Variants in ARID1B observed in about 807,000 individuals in gnomAD.
ARID1B encodes the protein AT-rich interaction domain 1B.
A neutral mutation model predicts 212.3 loss-of-function variants in ARID1B; 30 were observed. The observed-to-expected ratio is 0.14, with a 90% CI of 0.11 to 0.19. The LOEUF is 0.19. Among genes scored for constraint, ARID1B ranks in the 10% least tolerant of loss-of-function variants. The pLI is 1.00. For missense variants in ARID1B, 2,891 were observed against 3,204.0 expected (o/e 0.90, Z 2.36); for synonymous variants, 1,402 against 1,301.7 (o/e 1.08, Z -1.66).
At chr6:156,958,653 T>C (rs1794137939) in intron 4 of ARID1B, among the ~76,000 whole-genome samples, 1 of 152,252 alleles carries the variant, frequency 6.6e-6, no homozygotes, top group Non-Finnish European at 1.5e-5. Context: ...TAAGTATTTC[T>C]TTTGAATAAT....
intron 2 of ARID1B, among the ~76,000 whole-genome samples, chr6:156,836,203 G>A (rs138013746): frequency 5.3e-5 from 8 of 152,252 alleles, no homozygotes; most frequent in African/African-American, 1.4e-4. Flanking sequence ...ATTAAGTGAC[G>A]TATCTTAGAC....
intron 4 of ARID1B, among the ~76,000 whole-genome samples, chr6:156,991,490 C>A (rs750934600): frequency 1.3e-5 from 2 of 152,144 alleles, no homozygotes; most frequent in Non-Finnish European, 2.9e-5. Context: ...CCTCAGCCTC[C>A]CAAAGTGCTG....
intron 2 of ARID1B, among the ~76,000 whole-genome samples, chr6:156,852,255 C>T (rs117641732): frequency 1.7e-3 from 256 of 152,086 alleles, no homozygotes; most frequent in South Asian, 6.6e-3. Flanking sequence ...TGAGACCAGC[C>T]TGGGCAGCAT....
chr6:156,934,280 C>T (rs373889449), intron 3 of ARID1B, among the ~76,000 whole-genome samples: 12 of 151,048 alleles, frequency 7.9e-5, no homozygotes, highest in Admixed American at 7.9e-4. Flanking sequence ...CAGGGGGAAA[C>T]GATGGTAGAA....
At chr6:156,954,708 C>A (rs1396973499) in intron 4 of ARID1B, among the ~76,000 whole-genome samples, 3 of 152,182 alleles carry the variant, frequency 2.0e-5, no homozygotes, top group African/African-American at 7.2e-5. Flanking sequence ...CCTTCTTAAA[C>A]CACACAAGGT....
At chr6:156,897,206 G>GCTTCTTCTTCTTCTT (rs1562468084) in intron 2 of ARID1B, among the ~76,000 whole-genome samples, 1 of 82,806 alleles carries the variant, frequency 1.2e-5, no homozygotes, top group African/African-American at 4.6e-5. Flanking sequence ...TGCTGCTGCT[G>GCTTCTTCTTCTTCTT]CTGCTGCTGC....
chr6:156,927,152 A>G (rs1430695697), intron 3 of ARID1B, among the ~76,000 whole-genome samples: 1 of 152,210 alleles, frequency 6.6e-6, no homozygotes, highest in African/African-American at 2.4e-5. Context: ...ATTATTGTTT[A>G]ATTTACATTG....
chr6:156,879,918 C>T (rs1471609979), intron 2 of ARID1B, among the ~76,000 whole-genome samples: 1 of 152,170 alleles, frequency 6.6e-6, no homozygotes, highest in East Asian at 1.9e-4. Context: ...GCAAAAACTG[C>T]AACAAAATCT....
At chr6:157,100,304 G>A (rs1258749203) in intron 5 of ARID1B, among the ~76,000 whole-genome samples, 5 of 152,210 alleles carry the variant, frequency 3.3e-5, no homozygotes, top group African/African-American at 9.7e-5. Context: ...ATTAGAGACA[G>A]AGGCACACAC....
chr6:157,051,949 T>C (rs1782633332), intron 4 of ARID1B, among the ~76,000 whole-genome samples: 1 of 152,236 alleles, frequency 6.6e-6, no homozygotes, highest in Non-Finnish European at 1.5e-5. Context: ...TGATTAGATG[T>C]ATTTTGCTTT....
At chr6:156,789,563 G>A (rs1313183333) in intron 1 of ARID1B, among the ~76,000 whole-genome samples, 1 of 152,214 alleles carries the variant, frequency 6.6e-6, no homozygotes, top group African/African-American at 2.4e-5. Flanking sequence ...TTTGATGTTA[G>A]AGGGTCACTT....
chr6:156,874,557 G>A (rs1786395701), intron 2 of ARID1B, among the ~76,000 whole-genome samples: 1 of 152,164 alleles, frequency 6.6e-6, no homozygotes, highest in Non-Finnish European at 1.5e-5. Flanking sequence ...CTAAAAATCA[G>A]CAGGTGCATC....
chr6:157,133,648 T>A (rs776297532), intron 7 of ARID1B, among the ~76,000 whole-genome samples: 10 of 152,140 alleles, frequency 6.6e-5, no homozygotes, highest in Non-Finnish European at 1.0e-4. Context: ...GCCCCGCACA[T>A]CCCTCCCAGT....
In ARID1B at chr6:156,900,532, T is replaced by G. The variant is rs149188507; in HGVS notation, c.1987-844T>G. ...GTATGAAACAAAATGACTTTGCCATTCTTGTCTCTAGAGTGCTTTTTGCTG... is the reference window on the plus strand; with the variant it reads ...GTATGAAACAAAATGACTTTGCCATGCTTGTCTCTAGAGTGCTTTTTGCTG... On this transcript the variant is annotated intron_variant, in intron 2 of 19. Coordinates refer to ENST00000636930, the MANE Select transcript of ARID1B (RefSeq NM_001374828.1). Among the ~76,000 whole-genome samples the G allele has an allele frequency of 2.9e-3, 441 of 152,330 alleles. 3 individuals carry two copies. The highest frequency in any genetic ancestry group is 0.01 in the African/African-American group (420 of 41,580).
At chr6:157,063,046 A>G (rs1279761680) in intron 4 of ARID1B, among the ~76,000 whole-genome samples, 1 of 152,132 alleles carries the variant, frequency 6.6e-6, no homozygotes, top group African/African-American at 2.4e-5. Context: ...TCAGAATGAG[A>G]ATGGATGGGT....
chr6:157,183,753 C>G (rs1329329902), intron 12 of ARID1B, among the ~76,000 whole-genome samples: 2 of 152,122 alleles, frequency 1.3e-5, no homozygotes, highest in Non-Finnish European at 2.9e-5. Context: ...GGCTCATTTG[C>G]CTTTGCACGA....
intron 4 of ARID1B, chr6:157,023,731 T>TC (rs1167250945): frequency 6.6e-6 from 1 of 152,200 alleles, no homozygotes; most frequent in Non-Finnish European, 1.5e-5. Flanking sequence ...CTTCTGCCCC[T>TC]CCAACAGTAA....
intron 3 of ARID1B, among the ~76,000 whole-genome samples, chr6:156,911,256 T>A (rs1789847472): frequency 6.6e-6 from 1 of 152,146 alleles, no homozygotes. Flanking sequence ...CTGGAAAATT[T>A]ATTATGTCAT....
intron 2 of ARID1B, among the ~76,000 whole-genome samples, chr6:156,884,150 A>G (rs1280081901): frequency 6.6e-6 from 1 of 152,236 alleles, no homozygotes; most frequent in East Asian, 1.9e-4. Context: ...AGAAGATACA[A>G]ATGTAGCACA....
Sources: allele counts gnomAD v4.1 joint callset (sites outside exome capture counted in the v4.1 genomes callset), GRCh38; gene constraint gnomAD v4.1.1; transcripts MANE v1.5; gene names NCBI Gene and HGNC (gene_info 2026-07-23, HGNC 2026-07-21).